The following SPMIP8 variants were observed in gnomAD, a reference collection of about 807,000 sequenced individuals.
The protein encoded by SPMIP8 is sperm microtubule inner protein 8.
the SPMIP8 span, chr16:57,987,505 G>T: frequency 4.7e-6 from 7 of 1,488,200 alleles, no homozygotes; most frequent in Non-Finnish European, 5.4e-6. Context: ...GACTTATGGT[G>T]GCACCAGCCA....
At chr16:57,981,937 G>A in the SPMIP8 span, among the ~76,000 whole-genome samples, 71,317 of 152,050 alleles carry the variant, frequency 0.47, 19,156 homozygotes, top group Non-Finnish European at 0.62. Context: ...GGTTTTGGGG[G>A]ATCCCCTTAG....
At chr16:57,987,463 G>A in the SPMIP8 span, 5,480 of 1,574,184 alleles carry the variant, frequency 3.5e-3, 147 homozygotes, top group African/African-American at 0.059. Flanking sequence ...GCTGCCGGAC[G>A]GTGCCACCTC....
At chr16:57,977,420 A>G in the SPMIP8 span, among the ~76,000 whole-genome samples, 34 of 151,098 alleles carry the variant, frequency 2.3e-4, no homozygotes, top group Non-Finnish European at 3.2e-4. Flanking sequence ...AAAAAAAAAA[A>G]AAAAGAAAAG....
At chr16:57,986,204 C>A in the SPMIP8 span, 1 of 409,958 alleles carries the variant, frequency 2.4e-6, no homozygotes, top group Non-Finnish European at 4.3e-6. Flanking sequence ...AAGGATAGGG[C>A]GAGGATGTTA....
chr16:57,981,404 T>TATAATA, the SPMIP8 span, among the ~76,000 whole-genome samples: 2 of 140,524 alleles, frequency 1.4e-5, no homozygotes, highest in African/African-American at 5.4e-5. Flanking sequence ...TTATTATTAT[T>TATAATA]ATAATAATAA....
the SPMIP8 span, chr16:57,984,450 C>T: frequency 6.4e-7 from 1 of 1,570,688 alleles, no homozygotes; most frequent in Non-Finnish European, 8.7e-7. Context: ...CCCCGCGCAC[C>T]TTCTCAGGTG....
At chr16:57,977,181 G>A in the SPMIP8 span, among the ~76,000 whole-genome samples, 590 of 152,068 alleles carry the variant, frequency 3.9e-3, 1 homozygote, top group Non-Finnish European at 7.1e-3. Flanking sequence ...AGGCTGAGGC[G>A]GGTGGATCAC....
chr16:57,976,791 T>G, the SPMIP8 span, among the ~76,000 whole-genome samples: 6 of 152,092 alleles, frequency 3.9e-5, no homozygotes, highest in Non-Finnish European at 8.8e-5. Flanking sequence ...TCTCTCCTCC[T>G]GCCACCCTAG....
chr16:57,985,614 C>G, the SPMIP8 span: 1 of 1,514,788 alleles, frequency 6.6e-7, no homozygotes. Context: ...GGCCGCTTTC[C>G]TAGCGCACAG....
At chr16:57,983,785 G>A in the SPMIP8 span, among the ~76,000 whole-genome samples, 5 of 152,138 alleles carry the variant, frequency 3.3e-5, no homozygotes, top group Admixed American at 2.0e-4. Context: ...CTAATTTTTC[G>A]TATTTTTGGT....
chr16:57,987,111 T>C, the SPMIP8 span: 85 of 373,356 alleles, frequency 2.3e-4, no homozygotes, highest in African/African-American at 1.6e-3. Context: ...TTTGCTACCA[T>C]ATGATGCCTA....
the SPMIP8 span, chr16:57,987,355 C>A: frequency 6.7e-7 from 1 of 1,500,930 alleles, no homozygotes; most frequent in Non-Finnish European, 8.9e-7. Context: ...TCCCCTAGGA[C>A]ACCCTGGAAA....
At chr16:57,986,116 CA>C in the SPMIP8 span, 1 of 725,362 alleles carries the variant, frequency 1.4e-6, no homozygotes, top group Non-Finnish European at 2.0e-6. Context: ...CCGCCCCTGG[CA>C]AATGTGCAGC....
the SPMIP8 span, chr16:57,985,357 G>A: frequency 2.5e-6 from 4 of 1,578,538 alleles, no homozygotes; most frequent in South Asian, 2.3e-5. Context: ...GGGGGGAGGA[G>A]ACCCAGAGCA....
the SPMIP8 span, among the ~76,000 whole-genome samples, chr16:57,982,050 C>T: frequency 6.6e-6 from 1 of 152,166 alleles, no homozygotes; most frequent in Non-Finnish European, 1.5e-5. Context: ...TGAAAGAATA[C>T]TACTATGAGT....
chr16:57,984,290 C>T, the SPMIP8 span: 77 of 1,613,974 alleles, frequency 4.8e-5, 1 homozygote, highest in South Asian at 4.5e-4. Context: ...CTCCCTTTCT[C>T]TTGTTTCAAC....
At chr16:57,980,870 C>CTGT in the SPMIP8 span, among the ~76,000 whole-genome samples, 3 of 151,940 alleles carry the variant, frequency 2.0e-5, no homozygotes, top group Non-Finnish European at 4.4e-5. Flanking sequence ...ATTTTTGTTG[C>CTGT]TGTTGTTGTT....
chr16:57,986,365 G>A, the SPMIP8 span: 2 of 162,620 alleles, frequency 1.2e-5, no homozygotes, highest in African/African-American at 4.8e-5. Flanking sequence ...AAGAACAAGA[G>A]TTCTTATCTC....
At chr16:57,985,462 A>C in the SPMIP8 span, 37 of 1,613,830 alleles carry the variant, frequency 2.3e-5, no homozygotes, top group Non-Finnish European at 3.1e-5. Context: ...CCGCGCCCCT[A>C]TCCCTGCTGC....
Sources: allele counts gnomAD v4.1 joint callset (sites outside exome capture counted in the v4.1 genomes callset), GRCh38; gene constraint gnomAD v4.1.1; transcripts MANE v1.5; gene names NCBI Gene and HGNC (gene_info 2026-07-23, HGNC 2026-07-21).